WWOX: variants seen among roughly 807,000 people sequenced by gnomAD.
The protein encoded by WWOX is WW domain containing oxidoreductase.
WWOX carries 69 observed loss-of-function variants against 46.2 expected under a neutral mutation model. That is an observed-to-expected ratio of 1.49 (90% CI 1.23 to 1.82). WWOX has a LOEUF of 1.82. Among genes scored for constraint, WWOX ranks in the 40% most tolerant of loss-of-function variants. The pLI is 0.00. For missense variants in WWOX, 919 were observed against 542.6 expected, an observed-to-expected ratio of 1.69 and a Z score of -6.89; for synonymous variants, 359 against 202.6, an observed-to-expected ratio of 1.77 and a Z score of -6.56.
chr16:78,938,366 T>A (rs62035966), intron 8 of WWOX, among the ~76,000 whole-genome samples: 19,338 of 152,140 alleles, frequency 0.13, 1,417 homozygotes, highest in Middle Eastern at 0.17. Context: ...CCACTGACAG[T>A]GTTTCCTGGG....
chr16:78,812,449 T>G (rs2051214379), intron 8 of WWOX, among the ~76,000 whole-genome samples: 1 of 151,992 alleles, frequency 6.6e-6, no homozygotes, highest in South Asian at 2.1e-4. Context: ...TGACTGGGCA[T>G]GGTGGCTCCT....
chr16:78,763,180 C>G (rs1006269149), intron 8 of WWOX, among the ~76,000 whole-genome samples: 1 of 152,204 alleles, frequency 6.6e-6, no homozygotes, highest in African/African-American at 2.4e-5. Context: ...AACCATTGTT[C>G]AAGCAGTTGG....
chr16:78,549,543 T>C (rs2044127514), intron 8 of WWOX, among the ~76,000 whole-genome samples: 1 of 152,172 alleles, frequency 6.6e-6, no homozygotes, highest in Non-Finnish European at 1.5e-5. Context: ...TTTTTGTCCA[T>C]CTCTTAAATC....
At chr16:78,106,367 C>G (rs2032143000) in intron 1 of WWOX, among the ~76,000 whole-genome samples, 1 of 149,650 alleles carries the variant, frequency 6.7e-6, no homozygotes, top group Non-Finnish European at 1.5e-5. Context: ...ACTGTGCCAG[C>G]AGAGAGCGGG....
At chr16:78,766,062 G>A (rs1010428639) in intron 8 of WWOX, among the ~76,000 whole-genome samples, 1 of 152,244 alleles carries the variant, frequency 6.6e-6, no homozygotes, top group South Asian at 2.1e-4. Flanking sequence ...GACATGAGCA[G>A]TTCCAAAGGA....
intron 7 of WWOX, 144 bp downstream of exon 7, chr16:78,425,199 A>T: frequency 8.8e-7 from 1 of 1,139,228 alleles, no homozygotes; most frequent in Non-Finnish European, 1.3e-6. Context: ...TAATTTTTCC[A>T]GGTCTTTTTT....
chr16:78,598,690 T>G (rs2045550291), intron 8 of WWOX, among the ~76,000 whole-genome samples: 2 of 152,098 alleles, frequency 1.3e-5, no homozygotes, highest in African/African-American at 4.8e-5. Flanking sequence ...CAGGAGCATC[T>G]CTCCCCTTAA....
At chr16:78,603,161 T>C (rs1324673115) in intron 8 of WWOX, among the ~76,000 whole-genome samples, 3 of 152,234 alleles carry the variant, frequency 2.0e-5, no homozygotes, top group Non-Finnish European at 2.9e-5. Flanking sequence ...TATGCTGTTT[T>C]ATGCACATCA....
At chr16:78,835,382 C>G (rs1450645607) in intron 8 of WWOX, among the ~76,000 whole-genome samples, 2 of 152,122 alleles carry the variant, frequency 1.3e-5, no homozygotes, top group Admixed American at 6.5e-5. Context: ...ATGGTCAAAT[C>G]CTCTTAAAGG....
intron 8 of WWOX, among the ~76,000 whole-genome samples, chr16:78,474,117 T>C (rs570903650): frequency 6.6e-5 from 10 of 152,382 alleles, no homozygotes; most frequent in Admixed American, 3.9e-4. Context: ...TTAAGCACGC[T>C]GTAAAATGAC....
chr16:78,545,267 G>C (rs62033996), intron 8 of WWOX, among the ~76,000 whole-genome samples: 1 of 152,118 alleles, frequency 6.6e-6, no homozygotes, highest in Admixed American at 6.5e-5. Flanking sequence ...CCCCAACTCA[G>C]GGATGTTGTA....
chr16:78,866,328 C>A (rs562400016), intron 8 of WWOX, among the ~76,000 whole-genome samples: 2 of 152,248 alleles, frequency 1.3e-5, no homozygotes, highest in African/African-American at 4.8e-5. Context: ...CACTCTTTCT[C>A]CCTCTGGGGG....
rs116739470 is a variant in WWOX, at chr16:79,157,630, T to C, written c.1057-53978T>C. ...TTTAAAATACAGGTTTTATTATTATTTAGGTATGCTAAGACCAGCAGATCA... is the reference window on the plus strand; with the variant it reads ...TTTAAAATACAGGTTTTATTATTATCTAGGTATGCTAAGACCAGCAGATCA... On this transcript the variant is annotated intron_variant, in intron 8 of 8. Coordinates refer to ENST00000566780, the MANE Select transcript of WWOX (RefSeq NM_016373.4). Among the ~76,000 whole-genome samples the C allele has an allele frequency of 2.9e-3, 442 of 152,236 alleles. 3 individuals are homozygous for C. The highest frequency in any genetic ancestry group is 0.01 in the African/African-American group (422 of 41,538).
intron 8 of WWOX, among the ~76,000 whole-genome samples, chr16:78,601,388 A>C (rs749207135): frequency 6.6e-6 from 1 of 151,604 alleles, no homozygotes; most frequent in Non-Finnish European, 1.5e-5. Flanking sequence ...GAGGAGGTTC[A>C]GGGCAACTGT....
At chr16:78,514,607 C>G (rs546912152) in intron 8 of WWOX, among the ~76,000 whole-genome samples, 4 of 152,162 alleles carry the variant, frequency 2.6e-5, no homozygotes, top group African/African-American at 7.2e-5. Flanking sequence ...ATTTCCTTAC[C>G]TGTCCCAGGG....
At chr16:78,157,721 G>A (rs2034654316) in intron 4 of WWOX, among the ~76,000 whole-genome samples, 2 of 152,200 alleles carry the variant, frequency 1.3e-5, no homozygotes, top group African/African-American at 4.8e-5. Flanking sequence ...TCAGACAAAC[G>A]GAATGGTGGA....
intron 8 of WWOX, among the ~76,000 whole-genome samples, chr16:78,577,588 A>G (rs569484378): frequency 9.9e-5 from 15 of 152,192 alleles, no homozygotes; most frequent in African/African-American, 7.2e-5. Flanking sequence ...ACGATGAACA[A>G]TTTACTTATG....
chr16:78,205,727 C>T lies in WWOX; in HGVS notation c.516+41438C>T, dbSNP rs143762077. 6.0e-3 allele frequency among the ~76,000 whole-genome samples: 914 copies of T among 152,204 alleles called. 6 individuals carry two copies. The highest frequency in any genetic ancestry group is 0.017 in the Middle Eastern group (5 of 294). On this transcript the variant is annotated intron_variant, in intron 5 of 8. Transcript: ENST00000566780. ...TCTATCCATCCATGCATCCTTCCTT[C>T]GTTGTTTTCTTCCTTCTATCCATCT...
intron 8 of WWOX, among the ~76,000 whole-genome samples, chr16:78,965,587 C>T (rs1038765759): frequency 6.6e-6 from 1 of 151,914 alleles, no homozygotes; most frequent in African/African-American, 2.4e-5. Flanking sequence ...AAAAAAATGC[C>T]CGCCTTATTC....
Sources: allele counts gnomAD v4.1 joint callset (sites outside exome capture counted in the v4.1 genomes callset), GRCh38; gene constraint gnomAD v4.1.1; transcripts MANE v1.5; gene names NCBI Gene and HGNC (gene_info 2026-07-23, HGNC 2026-07-21).